SHOC1: variants seen among roughly 807,000 people sequenced by gnomAD.
SHOC1 encodes the protein shortage in chiasmata 1, also known as protein shortage in chiasmata 1 ortholog.
SHOC1 carries 136 observed loss-of-function variants against 179.2 expected under a neutral mutation model. The observed-to-expected ratio is 0.76, with a 90% CI of 0.66 to 0.87. The LOEUF (loss-of-function observed/expected upper bound fraction) is 0.87, where lower values mean the gene tolerates loss of function less well. SHOC1 is among the 40% of genes least tolerant of loss of function. The pLI is 0.00. For missense variants in SHOC1, 1,538 were observed against 1,700.8 expected (o/e 0.90, Z 1.68); for synonymous variants, 489 against 586.6 (o/e 0.83, Z 2.41).
rs34813776 is a variant in SHOC1, at chr9:111,737,688, ACC to A, written c.1417+590_1417+591del. Among the ~76,000 whole-genome samples the A allele has an allele frequency of 2.3e-3, 340 of 147,804 alleles. 1 individual carries two copies. The highest frequency in any genetic ancestry group is 6.4e-3 in the African/African-American group (252 of 39,564). ...ACAAACAAACAAACAATAAAAACAA[ACC>A]CCCCCCCCCACACACAAAATATATA... On this transcript the variant is annotated intron_variant, in intron 12 of 27. Coordinates refer to ENST00000682961, the MANE Select transcript of SHOC1 (RefSeq NM_001378211.1).
At chr9:111,777,269 G>T (rs10981069) in intron 4 of SHOC1, among the ~76,000 whole-genome samples, 3 of 152,280 alleles carry the variant, frequency 2.0e-5, no homozygotes, top group Admixed American at 2.0e-4. Flanking sequence ...GCCAGAGGCC[G>T]CATGACTCCT....
chr9:111,716,843 C>T (rs1188318626), intron 16 of SHOC1, among the ~76,000 whole-genome samples: 1 of 152,204 alleles, frequency 6.6e-6, no homozygotes, highest in Non-Finnish European at 1.5e-5. Flanking sequence ...AATTAAACCA[C>T]TTGAATGTTG....
intron 18 of SHOC1, among the ~76,000 whole-genome samples, chr9:111,709,044 T>C (rs1832407251): frequency 6.6e-6 from 1 of 152,212 alleles, no homozygotes; most frequent in Non-Finnish European, 1.5e-5. Flanking sequence ...GATTCTTCTA[T>C]TTAAAACCTA....
At chr9:111,692,564 G>A in intron 26 of SHOC1, 53 bp from the exon 27 acceptor site, 1 of 1,347,486 alleles carries the variant, frequency 7.4e-7, no homozygotes, top group Non-Finnish European at 1.0e-6. Context: ...TATAAATAAT[G>A]ATGCTTATCT....
At chr9:111,746,609 C>T (rs1834298542) in intron 9 of SHOC1, among the ~76,000 whole-genome samples, 1 of 152,122 alleles carries the variant, frequency 6.6e-6, no homozygotes, top group South Asian at 2.1e-4. Context: ...TTTGAGATTG[C>T]AATGAGCTGT....
At chr9:111,706,154 T>G (rs1268580450) in intron 20 of SHOC1, among the ~76,000 whole-genome samples, 1 of 152,114 alleles carries the variant, frequency 6.6e-6, no homozygotes, top group African/African-American at 2.4e-5. Flanking sequence ...ATGAAGTGGT[T>G]TAGACTTTCT....
intron 10 of SHOC1, among the ~76,000 whole-genome samples, chr9:111,742,165 G>A (rs1834074596): frequency 6.6e-6 from 1 of 152,064 alleles, no homozygotes; most frequent in South Asian, 2.1e-4. Context: ...AGCCAGAGAG[G>A]GCTGACTTGG....
chr9:111,763,531 A>AG (rs1230237180), intron 5 of SHOC1, among the ~76,000 whole-genome samples: 1 of 152,186 alleles, frequency 6.6e-6, no homozygotes, highest in African/African-American at 2.4e-5. Flanking sequence ...TGAAATTCTG[A>AG]GAAAAAAATA....
chr9:111,778,003 G>C (rs1835895938), intron 4 of SHOC1, among the ~76,000 whole-genome samples: 1 of 152,018 alleles, frequency 6.6e-6, no homozygotes, highest in African/African-American at 2.4e-5. Context: ...GCTTACATAG[G>C]TGCTGTCTTT....
At chr9:111,753,799 C>A (rs1589444226) in intron 8 of SHOC1, among the ~76,000 whole-genome samples, 1 of 152,046 alleles carries the variant, frequency 6.6e-6, no homozygotes, top group Non-Finnish European at 1.5e-5. Context: ...TAGGTATTGA[C>A]AAATCTGCCT....
chr9:111,711,341 A>G (rs148868257), intron 18 of SHOC1, among the ~76,000 whole-genome samples: 74 of 152,194 alleles, frequency 4.9e-4, no homozygotes, highest in Admixed American at 2.2e-3. Flanking sequence ...TTCTTTCTGA[A>G]TAATGCACAC....
intron 16 of SHOC1, among the ~76,000 whole-genome samples, chr9:111,717,530 T>A (rs1589401174): frequency 6.6e-6 from 1 of 151,346 alleles, no homozygotes; most frequent in South Asian, 2.1e-4. Context: ...GAGGCAGAGG[T>A]TGCAGGTTGC....
rs757108526 is a variant in SHOC1, at chr9:111,694,252, C to T, written c.3294G>A (p.Trp1098Ter). 1 of 1,608,796 alleles carries T rather than the reference C, an allele frequency of 6.2e-7. No individual in the cohort carries two copies. Among genetic ancestry groups the T allele is most frequent in the Admixed American group, 1.7e-5 (1 of 59,498 alleles). ...ATACCTCAGATGGTGAAACTTTAAGCCAGGATTTATCCAACCATTCATGAG... is the reference window on the plus strand; with the variant it reads ...ATACCTCAGATGGTGAAACTTTAAGTCAGGATTTATCCAACCATTCATGAG... ...RDPHEWLDKSWLKVSPSEEEM... is the reference protein window; with the variant it reads ...RDPHEWLDKS The change falls in exon 25 of 28, where the codon TGG becomes TGA. Residue 1098 changes from tryptophan (W) to a stop codon, truncating the protein, a stop_gained. Transcript: ENST00000682961. LOFTEE classifies it high-confidence loss of function.
chr9:111,693,932 A>G lies in SHOC1; in HGVS notation c.3332T>C (p.Leu1111Pro), dbSNP rs189865939. 6.2e-7 allele frequency: 1 copy of G among 1,609,916 alleles called. No individual in the cohort carries two copies. The highest frequency in any genetic ancestry group is 8.5e-7 in the Non-Finnish European group (1 of 1,177,552). ...VSPSEEEMYL[L>P]DFPCINPLVA... The stretch of plus-strand genomic sequence containing the variant: ...CAATGGGTTAATACATGGAAAATCA[A>G]GTAAGTACATTTCTTCCTAGAAAAG... The change falls in exon 26 of 28, where the codon CTT (leucine) becomes CCT (proline). Residue 1111 changes from leucine to proline, a missense_variant. Leu to Pro is a moderately conservative substitution (Grantham distance 98). Coordinates refer to ENST00000682961, the MANE Select transcript of SHOC1 (RefSeq NM_001378211.1).
rs1832882542 is a variant in SHOC1, at chr9:111,718,233, C to T, written c.2187G>A (p.Leu729=). The T allele has an allele frequency of 6.3e-7, 1 of 1,599,708 alleles. No homozygotes were observed. The highest frequency in any genetic ancestry group is 8.5e-7 in the Non-Finnish European group (1 of 1,174,912). ...TTAAAAGGACATCTCTAATTGTTAC[C>T]AGAAGATGTAAGAGAGCGGCATGCT... ...TFKHAALLHL[L]VTIRDVLLTC... Residue 729 remains leucine (L), a synonymous_variant, in exon 16 of 28, where the codon CTG becomes CTA. Coordinates refer to ENST00000682961, the MANE Select transcript of SHOC1 (RefSeq NM_001378211.1).
intron 21 of SHOC1, 71 bp downstream of exon 21, chr9:111,705,170 TACACAC>T (rs112920989): frequency 1.6e-5 from 8 of 492,384 alleles, no homozygotes; most frequent in African/African-American, 1.6e-4. Flanking sequence ...AGAATATATA[TACACAC>T]ACACACACAC....
intron 7 of SHOC1, among the ~76,000 whole-genome samples, chr9:111,756,805 G>A (rs12552593): frequency 3.3e-5 from 5 of 152,152 alleles, no homozygotes; most frequent in Admixed American, 3.3e-4. Context: ...CACTGCAGTA[G>A]ATGAGAGATA....
intron 8 of SHOC1, among the ~76,000 whole-genome samples, chr9:111,748,403 G>T (rs1834386563): frequency 6.6e-6 from 1 of 152,108 alleles, no homozygotes; most frequent in Admixed American, 6.6e-5. Flanking sequence ...ACTCCTTGTT[G>T]CCCTTCAACT....
chr9:111,706,795 T>G, intron 19 of SHOC1, 49 bp from the exon 20 acceptor site: 1 of 1,340,144 alleles, frequency 7.5e-7, no homozygotes, highest in African/African-American at 1.5e-5. Flanking sequence ...TGTGTTATTA[T>G]TTTGTTGAAC....
Sources: allele counts gnomAD v4.1 joint callset (sites outside exome capture counted in the v4.1 genomes callset), GRCh38; gene constraint gnomAD v4.1.1; transcripts MANE v1.5; gene names NCBI Gene and HGNC (gene_info 2026-07-23, HGNC 2026-07-21).